Variants in TIAM2 observed in about 807,000 individuals in gnomAD.
TIAM2 encodes rho guanine nucleotide exchange factor TIAM2.
Under a neutral mutation model 152.9 loss-of-function variants are expected in TIAM2, and 80 were observed. The observed-to-expected ratio is 0.52, with a 90% CI of 0.44 to 0.63. TIAM2 has a LOEUF of 0.63. Ranked by LOEUF, TIAM2 falls within the 30% of genes least tolerant of loss-of-function variation. TIAM2 has a pLI of 0.00. For missense variants in TIAM2, 1,965 were observed against 2,120.1 expected, an observed-to-expected ratio of 0.93 and a Z score of 1.44; for synonymous variants, 804 against 838.0, an observed-to-expected ratio of 0.96 and a Z score of 0.70.
At chr6:155,122,909 AG>A (rs1779205466) in intron 2 of TIAM2, among the ~76,000 whole-genome samples, 1 of 150,756 alleles carries the variant, frequency 6.6e-6, no homozygotes, top group African/African-American at 2.4e-5. Flanking sequence ...AATTTTTTTC[AG>A]CCCCCTTTCT....
intron 26 of TIAM2, 50 bp from the exon 27 acceptor site, chr6:155,256,434 T>C (rs1001790737): frequency 1.9e-6 from 3 of 1,610,978 alleles, no homozygotes; most frequent in Non-Finnish European, 2.5e-6. Context: ...ACATTACACA[T>C]TGTGTAACCT....
Position 155,060,358 on chromosome 6 carries a change from C to T in TIAM2, c.-208-29931C>T, listed in dbSNP as rs527585693. Among the ~76,000 whole-genome samples, 14 of 152,000 alleles carry T rather than the reference C, an allele frequency of 9.2e-5. No individual in the cohort carries two copies. The South Asian group carries it at 1.2e-3, about 14-fold the overall frequency. ...CAGAGTTTGCGGTGAGCCGAGATCA[C>T]GCCATTGCACTCCAGTCTAGGCAAC... On this transcript the variant is annotated intron_variant, in intron 1 of 26. Transcript: ENST00000682666.
At chr6:155,118,787 T>C (rs1779079120) in intron 2 of TIAM2, among the ~76,000 whole-genome samples, 1 of 152,004 alleles carries the variant, frequency 6.6e-6, no homozygotes, top group Admixed American at 6.6e-5. Flanking sequence ...CAAGACCCAC[T>C]TGTTGGGTTA....
intron 9 of TIAM2, among the ~76,000 whole-genome samples, chr6:155,169,587 G>T (rs1780529824): frequency 6.6e-6 from 1 of 152,156 alleles, no homozygotes; most frequent in Non-Finnish European, 1.5e-5. Flanking sequence ...GGTTGTCAGG[G>T]ATCTTCACAT....
chr6:155,048,013 C>T (rs1054134866), intron 1 of TIAM2, among the ~76,000 whole-genome samples: 20 of 151,920 alleles, frequency 1.3e-4, no homozygotes, highest in African/African-American at 3.9e-4. Flanking sequence ...AGTGCAGTGG[C>T]GCGATCTCCA....
chr6:155,028,118 TTACATATATACTATATATAA>T (rs1254494345), intron 1 of TIAM2, among the ~76,000 whole-genome samples: 8 of 107,588 alleles, frequency 7.4e-5, no homozygotes, highest in Admixed American at 6.8e-4. Context: ...ATGTACTGTG[TTACATATATACTATATATAA>T]TATATGTACT....
intron 14 of TIAM2, among the ~76,000 whole-genome samples, chr6:155,194,836 G>A (rs1781298840): frequency 6.6e-6 from 1 of 152,138 alleles, no homozygotes; most frequent in African/African-American, 2.4e-5. Flanking sequence ...GAGGGACCAG[G>A]TAGAGGTAAT....
rs114079308 is a variant in TIAM2, at chr6:155,038,927, A to T, written c.-209+43435A>T. Reference sequence around the variant, plus strand: ...ACACCACTGCACTCCAGCCTGGGTGACGGAGCGAGAGCCTGTGAGCATGTC... The same window carrying T: ...ACACCACTGCACTCCAGCCTGGGTGTCGGAGCGAGAGCCTGTGAGCATGTC... On this transcript the variant is annotated intron_variant, in intron 1 of 26. Coordinates refer to ENST00000682666, the MANE Select transcript of TIAM2 (RefSeq NM_012454.4). Among the ~76,000 whole-genome samples, 520 of 138,540 alleles carry T rather than the reference A, an allele frequency of 3.8e-3. 4 individuals carry two copies. Among genetic ancestry groups the T allele is most frequent in the African/African-American group, 0.013 (492 of 37,866 alleles). 90.9% of individuals were successfully genotyped at this position (138,540 alleles called of 152,430 possible).
At chr6:155,038,434 G>A (rs1462714366) in intron 1 of TIAM2, among the ~76,000 whole-genome samples, 19 of 152,288 alleles carry the variant, frequency 1.2e-4, no homozygotes, top group African/African-American at 4.1e-4. Context: ...CCCTTAAATG[G>A]TCTTCTCTTG....
intron 2 of TIAM2, among the ~76,000 whole-genome samples, chr6:155,115,172 A>T (rs1223883352): frequency 3.7e-5 from 1 of 27,236 alleles, no homozygotes; most frequent in Non-Finnish European, 1.2e-4. Context: ...AATTGTACTA[A>T]AAAAAAAAAA....
chr6:155,034,846 G>A (rs1472291724), intron 1 of TIAM2, among the ~76,000 whole-genome samples: 2 of 152,126 alleles, frequency 1.3e-5, no homozygotes, highest in Non-Finnish European at 2.9e-5. Context: ...CATTAAGTAC[G>A]ATGCTAGCCG....
At chr6:155,047,687 AGGAGAGAGAGAGAGAGAGC>A (rs1777214348) in intron 1 of TIAM2, among the ~76,000 whole-genome samples, 6 of 104,716 alleles carry the variant, frequency 5.7e-5, no homozygotes, top group African/African-American at 1.7e-4. Context: ...AGAGAGAGAG[AGGAGAGAGAGAGAGAGAGC>A]GAGAGAGAGA....
In TIAM2 at chr6:155,041,957, C is replaced by T. The variant is rs894312666; in HGVS notation, c.-209+46465C>T. ...TTTTGTATTGGAATCTGTTCCCTCACTCTGGCAGGCTGGCTCAAAGCCAGC... is the reference window on the plus strand; with the variant it reads ...TTTTGTATTGGAATCTGTTCCCTCATTCTGGCAGGCTGGCTCAAAGCCAGC... On this transcript the variant is annotated intron_variant, in intron 1 of 26. Coordinates refer to ENST00000682666, the MANE Select transcript of TIAM2 (RefSeq NM_012454.4). 2.0e-5 allele frequency among the ~76,000 whole-genome samples: 3 copies of T among 152,318 alleles called. No homozygotes were observed. The East Asian group carries it at 5.8e-4, about 29-fold the overall frequency.
chr6:155,096,820 A>C (rs1217835002), intron 2 of TIAM2, among the ~76,000 whole-genome samples: 1 of 152,210 alleles, frequency 6.6e-6, no homozygotes, highest in Non-Finnish European at 1.5e-5. Context: ...ATGGGAGTGC[A>C]AATACCTCTT....
intron 6 of TIAM2, among the ~76,000 whole-genome samples, chr6:155,146,505 T>C (rs909567918): frequency 1.3e-5 from 2 of 152,200 alleles, no homozygotes; most frequent in African/African-American, 4.8e-5. Context: ...TGAAAGTACT[T>C]GTCAGCCTGC....
chr6:155,146,728 A>G (rs1013833065), intron 6 of TIAM2, among the ~76,000 whole-genome samples: 2 of 150,102 alleles, frequency 1.3e-5, no homozygotes, highest in Admixed American at 1.3e-4. Context: ...CAGCTTCCTA[A>G]GTAGCTGGGA....
intron 15 of TIAM2, among the ~76,000 whole-genome samples, chr6:155,224,088 G>A (rs894847312): frequency 2.6e-5 from 4 of 152,086 alleles, no homozygotes; most frequent in African/African-American, 4.8e-5. Flanking sequence ...TTCTGAAATC[G>A]TCACCTGGCT....
chr6:155,100,906 T>C (rs1450895235), intron 2 of TIAM2, among the ~76,000 whole-genome samples: 1 of 152,196 alleles, frequency 6.6e-6, no homozygotes, highest in Non-Finnish European at 1.5e-5. Context: ...CAGTGGGATC[T>C]GATGTCACGC....
chr6:155,127,868 G>C (rs978515109), intron 3 of TIAM2, among the ~76,000 whole-genome samples: 1 of 152,180 alleles, frequency 6.6e-6, no homozygotes, highest in Non-Finnish European at 1.5e-5. Context: ...GTGATATACT[G>C]GTTTGAGTGA....
Sources: allele counts gnomAD v4.1 joint callset (sites outside exome capture counted in the v4.1 genomes callset), GRCh38; gene constraint gnomAD v4.1.1; transcripts MANE v1.5; gene names NCBI Gene and HGNC (gene_info 2026-07-23, HGNC 2026-07-21).